Variants in NOS2 observed in about 807,000 individuals in gnomAD.
NOS2 encodes nitric oxide synthase, inducible.
NOS2 carries 96 observed loss-of-function variants against 136.0 expected under a neutral mutation model. That is an observed-to-expected ratio of 0.71 (90% confidence interval 0.60 to 0.84). The LOEUF (loss-of-function observed/expected upper bound fraction) is 0.84. NOS2 is among the 40% of genes least tolerant of loss of function. The probability of loss-of-function intolerance (pLI) is 0.00; values close to 1 mark genes in which losing one functional copy is unlikely to be tolerated. For synonymous variants in NOS2, 539 were observed against 587.5 expected (o/e 0.92, Z 1.20); for missense variants, 1,237 against 1,496.9 (o/e 0.83, Z 2.87).
At chr17:27,779,105 TTTATTA>T (rs996923269) in intron 9 of NOS2, 49 bp from the exon 10 acceptor site, 8 of 1,308,520 alleles carry the variant, frequency 6.1e-6, no homozygotes, top group South Asian at 4.8e-5. Flanking sequence ...TTATTTTTAT[TTTATTA>T]TTATTTTTTT....
intron 15 of NOS2, among the ~76,000 whole-genome samples, chr17:27,770,631 C>T (rs531497241): frequency 6.6e-6 from 1 of 152,202 alleles, no homozygotes; most frequent in Non-Finnish European, 1.5e-5. Flanking sequence ...TGTTTTGCTG[C>T]TTTCCATTTG....
intron 21 of NOS2, among the ~76,000 whole-genome samples, chr17:27,763,224 AC>A (rs1908193142): frequency 6.6e-6 from 1 of 152,194 alleles, no homozygotes; most frequent in African/African-American, 2.4e-5. Flanking sequence ...TGTTACCTCC[AC>A]TGTCGGCAAC....
chr17:27,757,526 G>A (rs966241329), intron 26 of NOS2, among the ~76,000 whole-genome samples, 173 bp from the exon 27 acceptor site: 9 of 152,126 alleles, frequency 5.9e-5, no homozygotes, highest in Non-Finnish European at 1.5e-5. Flanking sequence ...ACCTGCTCTG[G>A]TGCGGGCCCT....
chr17:27,769,186 T>G, intron 16 of NOS2, 35 bp from the exon 17 acceptor site: 3 of 1,571,202 alleles, frequency 1.9e-6, no homozygotes, highest in Non-Finnish European at 2.6e-6. Context: ...ACATGTCCCA[T>G]GCAAGCAGCA....
At position 27,778,941 on chromosome 17, in the gene NOS2, T is replaced by C. The variant is rs1399312897; in HGVS notation, c.1120A>G (p.Met374Val). The change falls in exon 10 of 27, where the codon ATG becomes GTG. Residue 374 changes from methionine to valine, a missense_variant. Around this residue, in one of 3 missense-constraint regions of NOS2, gnomAD observed 440 missense variants for 545.4 expected, o/e 0.81. Coordinates refer to ENST00000313735, the MANE Select transcript of NOS2 (RefSeq NM_000625.4). ...FPGCPFNGWYMGTEIGVRDFC... is the reference protein window; with the variant it reads ...FPGCPFNGWYVGTEIGVRDFC... ...TCCCGGACTCCGATCTCTGTGCCCA[T>C]GTACCAGCCATTGAAGGGGCACCCT... 1.9e-6 allele frequency: 3 copies of C among 1,612,726 alleles called. No homozygotes were observed. Among genetic ancestry groups the C allele is most frequent in the East Asian group, 2.2e-5 (1 of 44,850 alleles).
intron 26 of NOS2, among the ~76,000 whole-genome samples, 196 bp downstream of exon 26, chr17:27,758,685 T>C (rs1339985084): frequency 6.6e-6 from 1 of 152,176 alleles, no homozygotes; most frequent in Non-Finnish European, 1.5e-5. Flanking sequence ...TTCTCAAAGC[T>C]GCCAACTGGT....
In NOS2 at chr17:27,771,034, T is replaced by C; in HGVS notation, c.1705-17A>G. 1 of 1,599,010 alleles carries C rather than the reference T, an allele frequency of 6.3e-7. No homozygotes were observed. The highest frequency in any genetic ancestry group is 1.3e-5 in the African/African-American group (1 of 74,738). ...GCAGACAACCTGGATGGCACCCAAG[T>C]GGACATCAGCCCTCGGCTCCCAGTA... On this transcript the variant is annotated splice_polypyrimidine_tract_variant and intron_variant, in intron 14 of 26. Coordinates refer to ENST00000313735, the MANE Select transcript of NOS2 (RefSeq NM_000625.4).
At chr17:27,768,250 C>T (rs1352960347) in intron 17 of NOS2, among the ~76,000 whole-genome samples, 1 of 152,090 alleles carries the variant, frequency 6.6e-6, no homozygotes, top group Non-Finnish European at 1.5e-5. Context: ...GCAGGTTTCA[C>T]ATGTTACTCA....
intron 5 of NOS2, 87 bp from the exon 6 acceptor site, chr17:27,783,193 T>C: frequency 2.7e-6 from 4 of 1,458,126 alleles, no homozygotes; most frequent in East Asian, 2.3e-5. Context: ...GGAACTGAAA[T>C]AGGACATCAG....
chr17:27,772,900 G>A (rs558060762), intron 13 of NOS2, among the ~76,000 whole-genome samples: 18 of 152,244 alleles, frequency 1.2e-4, no homozygotes, highest in African/African-American at 4.1e-4. Context: ...AGTCAGGCGT[G>A]GGTTTGTACC....
intron 2 of NOS2, among the ~76,000 whole-genome samples, chr17:27,791,860 C>T (rs1471680897): frequency 6.6e-6 from 1 of 151,324 alleles, no homozygotes. Context: ...CATGGCTGAG[C>T]AGTCACCATG....
At chr17:27,769,439 G>A (rs1908417958) in intron 16 of NOS2, 96 bp downstream of exon 16, 3 of 1,076,888 alleles carry the variant, frequency 2.8e-6, no homozygotes, top group Non-Finnish European at 4.3e-6. Context: ...GCACGGTTCT[G>A]AGAAGACCCC....
intron 7 of NOS2, 36 bp from the exon 8 acceptor site, chr17:27,781,213 G>T: frequency 6.3e-7 from 1 of 1,576,602 alleles, no homozygotes; most frequent in Non-Finnish European, 8.6e-7. Flanking sequence ...TTACCACCTA[G>T]CCCTGGTGGG....
intron 11 of NOS2, among the ~76,000 whole-genome samples, chr17:27,775,601 TA>T (rs532846481): frequency 6.6e-6 from 1 of 150,790 alleles, no homozygotes; most frequent in African/African-American, 2.4e-5. Flanking sequence ...GACTCTGTCT[TA>T]AAAAAAACAA....
At chr17:27,789,534 C>T in intron 3 of NOS2, 70 bp downstream of exon 3, 1 of 1,223,558 alleles carries the variant, frequency 8.2e-7, no homozygotes, top group Non-Finnish European at 1.2e-6. Flanking sequence ...CCAGCTCTAA[C>T]AGGCTGCTAT....
chr17:27,783,179 A>G (rs1281535723), intron 5 of NOS2, 73 bp from the exon 6 acceptor site: 11 of 1,517,060 alleles, frequency 7.3e-6, no homozygotes, highest in African/African-American at 1.4e-5. Flanking sequence ...AATCCACAGA[A>G]GCAGGAACTG....
Position 27,759,089 on chromosome 17 carries a change from A to G in NOS2, c.3160-14T>C, listed in dbSNP as rs369135980. Reference sequence around the variant, plus strand: ...CTGAACATAGACCTGAAACCAGAGGAAACAGTGGGTTCAGTCCTCAGCTGC... The same window carrying G: ...CTGAACATAGACCTGAAACCAGAGGGAACAGTGGGTTCAGTCCTCAGCTGC... On this transcript the variant is annotated splice_polypyrimidine_tract_variant and intron_variant, in intron 25 of 26. Transcript: ENST00000313735. The G allele has an allele frequency of 1.9e-6, 3 of 1,566,624 alleles. No homozygotes were observed. The highest frequency in any genetic ancestry group is 2.7e-5 in the African/African-American group (2 of 73,502).
intron 13 of NOS2, 85 bp downstream of exon 13, chr17:27,773,070 TTCTTGC>T (rs1271632615): frequency 2.0e-6 from 2 of 979,732 alleles, no homozygotes; most frequent in Non-Finnish European, 3.3e-6. Flanking sequence ...ATTCCTTGTG[TTCTTGC>T]CCTTCAAGGA....
At chr17:27,793,651 C>A (rs1909262773) in intron 2 of NOS2, 6 of 396,964 alleles carry the variant, frequency 1.5e-5, no homozygotes, top group Non-Finnish European at 2.7e-5. Context: ...CCTGCACAGC[C>A]GGGGCCCGGC....
Sources: allele counts gnomAD v4.1 joint callset (sites outside exome capture counted in the v4.1 genomes callset), GRCh38; gene constraint gnomAD v4.1.1; regional missense constraint gnomAD v4.1.1; transcripts MANE v1.5; gene names NCBI Gene and HGNC (gene_info 2026-07-23, HGNC 2026-07-21).